The following STK3 variants were observed in gnomAD, a reference collection of about 807,000 sequenced individuals.
STK3 encodes the protein serine/threonine-protein kinase 3.
In STK3, 41 loss-of-function variants were observed where a neutral mutation model predicts 58.0. The observed-to-expected ratio is 0.71, with a 90% CI of 0.55 to 0.92. The LOEUF (loss-of-function observed/expected upper bound fraction) is 0.92. Among genes scored for constraint, STK3 ranks in the 40% least tolerant of loss-of-function variants. The probability of loss-of-function intolerance (pLI) is 0.00; values close to 1 mark genes in which losing one functional copy is unlikely to be tolerated. For missense variants in STK3, 479 were observed against 602.7 expected (o/e 0.79, Z 2.15); for synonymous variants, 170 against 191.0 (o/e 0.89, Z 0.91).
At chr8:98,486,211 G>T (rs531680686) in intron 10 of STK3, among the ~76,000 whole-genome samples, 166 of 151,978 alleles carry the variant, frequency 1.1e-3, no homozygotes, top group Non-Finnish European at 2.1e-3. Context: ...CCTGTGTGTG[G>T]GGGAAAAAAA....
chr8:98,590,747 T>G (rs1815236302), intron 7 of STK3, among the ~76,000 whole-genome samples: 1 of 152,228 alleles, frequency 6.6e-6, no homozygotes, highest in Non-Finnish European at 1.5e-5. Context: ...GTTTATCTCA[T>G]GTAGAAAGCA....
At chr8:98,362,513 TC>T in the STK3 span, among the ~76,000 whole-genome samples, 5 of 152,302 alleles carry the variant, frequency 3.3e-5, no homozygotes, top group Non-Finnish European at 5.9e-5. Context: ...CTTTAGAAGA[TC>T]CAGGGTGATG....
downstream of STK3, among the ~76,000 whole-genome samples, chr8:98,366,353 T>G (rs895532899): frequency 6.6e-6 from 1 of 152,230 alleles, no homozygotes; most frequent in Non-Finnish European, 1.5e-5. Context: ...TTAAAGAAAT[T>G]CTTTATATTT....
chr8:98,346,976 T>C, the STK3 span, among the ~76,000 whole-genome samples: 2 of 151,964 alleles, frequency 1.3e-5, no homozygotes, highest in South Asian at 4.1e-4. Flanking sequence ...AATAATGTAT[T>C]GTATTGTAGG....
chr8:98,934,045 T>C (rs1412592269), intron 1 of STK3, among the ~76,000 whole-genome samples: 11 of 152,194 alleles, frequency 7.2e-5, no homozygotes, highest in Non-Finnish European at 1.0e-4. Context: ...ACTCTGCCCC[T>C]CTGGGGAACC....
intron 3 of STK3, among the ~76,000 whole-genome samples, chr8:98,416,745 T>C (rs1365777771): frequency 6.6e-6 from 1 of 152,238 alleles, no homozygotes; most frequent in Non-Finnish European, 1.5e-5. Flanking sequence ...CTATGTTTAG[T>C]TGAGTCACAC....
At chr8:98,799,666 T>C (rs1564012666) in intron 1 of STK3, among the ~76,000 whole-genome samples, 1 of 152,084 alleles carries the variant, frequency 6.6e-6, no homozygotes, top group East Asian at 1.9e-4. Context: ...ACCCTATCAG[T>C]ACCCCTCAAA....
intron 1 of STK3, among the ~76,000 whole-genome samples, chr8:98,798,475 G>A (rs980353414): frequency 1.3e-5 from 2 of 152,176 alleles, no homozygotes; most frequent in Admixed American, 1.3e-4. Context: ...TCTTGACTGA[G>A]TGGCTTTAGA....
intron 3 of STK3, chr8:98,430,537 T>G (rs1487799218): frequency 6.0e-6 from 1 of 167,076 alleles, no homozygotes; most frequent in Non-Finnish European, 1.5e-5. Flanking sequence ...AAGCAGAATT[T>G]AGTCAGATAA....
intron 7 of STK3, among the ~76,000 whole-genome samples, chr8:98,589,803 C>T (rs548426633): frequency 8.5e-5 from 13 of 152,260 alleles, no homozygotes; most frequent in South Asian, 2.1e-4. Flanking sequence ...TCTCGTGGTG[C>T]ACCATTTTTT....
At chr8:98,751,443 C>A (rs1563962802) in intron 3 of STK3, among the ~76,000 whole-genome samples, 1 of 152,148 alleles carries the variant, frequency 6.6e-6, no homozygotes, top group Non-Finnish European at 1.5e-5. Context: ...AAATCCCTAG[C>A]ATTCCTATAT....
chr8:98,617,734 A>G (rs1198979222), intron 6 of STK3, among the ~76,000 whole-genome samples: 1 of 151,754 alleles, frequency 6.6e-6, no homozygotes, highest in African/African-American at 2.4e-5. Flanking sequence ...ACATTCCTTG[A>G]CACATACACT....
At chr8:98,480,492 C>T (rs922325326) in intron 10 of STK3, among the ~76,000 whole-genome samples, 25 of 152,188 alleles carry the variant, frequency 1.6e-4, no homozygotes, top group South Asian at 6.2e-4. Flanking sequence ...GAATGATTAT[C>T]GTACTAATAT....
intron 1 of STK3, among the ~76,000 whole-genome samples, chr8:98,922,899 C>T (rs1308034441): frequency 6.6e-6 from 1 of 152,136 alleles, no homozygotes; most frequent in Non-Finnish European, 1.5e-5. Flanking sequence ...CCTCTATTTC[C>T]TCTATTATGT....
chr8:98,614,637 C>T (rs1398417721), intron 6 of STK3, among the ~76,000 whole-genome samples: 1 of 152,224 alleles, frequency 6.6e-6, no homozygotes, highest in Non-Finnish European at 1.5e-5. Flanking sequence ...CGAGGCATTG[C>T]CTCACCTGGG....
chr8:98,817,331 G>T (rs186124108), intron 1 of STK3, among the ~76,000 whole-genome samples: 1 of 151,986 alleles, frequency 6.6e-6, no homozygotes, highest in African/African-American at 2.4e-5. Context: ...GCACACGCCC[G>T]TAGTCCCAGC....
chr8:98,719,298 G>A (rs1827238644), intron 4 of STK3, among the ~76,000 whole-genome samples: 1 of 152,156 alleles, frequency 6.6e-6, no homozygotes, highest in African/African-American at 2.4e-5. Context: ...AGTTACTTCA[G>A]TACAGACCTT....
At chr8:98,641,590 C>T (rs1177489323) in intron 6 of STK3, among the ~76,000 whole-genome samples, 6 of 152,086 alleles carry the variant, frequency 3.9e-5, no homozygotes, top group Non-Finnish European at 5.9e-5. Flanking sequence ...ATTTACCAAC[C>T]CTGTGCTGTG....
rs549798325 is a variant in STK3, at chr8:98,377,026, G to A, written n.111+2127C>T. Among the ~76,000 whole-genome samples, 12 of 152,192 alleles carry A rather than the reference G, an allele frequency of 7.9e-5. No homozygotes were observed. The South Asian group carries it at 1.0e-3, about 13-fold the overall frequency. On this transcript the variant is annotated intron_variant and non_coding_transcript_variant, in intron 2 of 2. Transcript: ENST00000518704. ...GGTGTTCCTTGAACATGCTGGGCAC[G>A]TTCCTTCCCTCTTTCAGGGCCTTGC...
Sources: gnomAD v4.1 joint callset for allele counts (sites outside exome capture counted in the v4.1 genomes callset) on GRCh38, gnomAD v4.1.1 for gene constraint, MANE v1.5 for transcripts, NCBI Gene and HGNC (gene_info 2026-07-23, HGNC 2026-07-21) for gene names.